Variants in IGF1 observed in about 807,000 individuals in gnomAD.
The protein encoded by IGF1 is insulin-like growth factor 1.
In IGF1, 4 loss-of-function variants were observed where a neutral mutation model predicts 13.8. The ratio of observed to expected loss-of-function variants is 0.29; its 90% CI spans 0.14 to 0.66. IGF1 has a LOEUF of 0.66. IGF1 is among the 30% of genes least tolerant of loss of function. IGF1 has a pLI of 0.78. For missense variants in IGF1, 124 were observed against 188.5 expected, an observed-to-expected ratio of 0.66 and a Z score of 2.00; for synonymous variants, 76 against 72.6, an observed-to-expected ratio of 1.05 and a Z score of -0.23.
intron 2 of IGF1, among the ~76,000 whole-genome samples, chr12:102,470,856 T>A (rs899175458): frequency 5.3e-5 from 8 of 152,354 alleles, no homozygotes; most frequent in African/African-American, 1.9e-4. Flanking sequence ...TAGAAACCTG[T>A]AGATTCTTAT....
chr12:102,410,274 A>G (rs886473918), intron 3 of IGF1, among the ~76,000 whole-genome samples: 2 of 152,126 alleles, frequency 1.3e-5, no homozygotes, highest in Admixed American at 6.5e-5. Context: ...GTCATGAAGG[A>G]TGTTGTAAAA....
rs1390077510 is a variant in IGF1, at chr12:102,400,471, G to A, written c.*2036C>T. The A allele has an allele frequency of 6.6e-6, 1 of 152,118 alleles. No homozygotes were observed. The highest frequency in any genetic ancestry group is 6.6e-5 in the Admixed American group (1 of 15,264). The allele number at this position is 152,118 out of a possible 1,614,324, so 9.4% of individuals were successfully genotyped here. On this transcript the variant is annotated 3_prime_UTR_variant, in exon 4 of 4. Coordinates refer to ENST00000337514, the MANE Select transcript of IGF1 (RefSeq NM_000618.5). ...ACAGAGAGCTAGGGGCTACCCTTCT[G>A]AGCAGGCATGGGAAATTTCTTGTTG...
chr12:102,471,183 T>C (rs1318943669), intron 2 of IGF1, among the ~76,000 whole-genome samples: 1 of 152,182 alleles, frequency 6.6e-6, no homozygotes. Context: ...CAACAGAAAC[T>C]ATGTAAATAA....
intron 3 of IGF1, 48 bp downstream of exon 3, chr12:102,419,461 A>G (rs1405615866): frequency 1.3e-6 from 2 of 1,588,792 alleles, no homozygotes; most frequent in Non-Finnish European, 1.7e-6. Flanking sequence ...CACATGCACA[A>G]GAGAGAGACC....
At chr12:102,416,431 CT>C (rs1205772858) in intron 3 of IGF1, among the ~76,000 whole-genome samples, 1 of 152,234 alleles carries the variant, frequency 6.6e-6, no homozygotes, top group Non-Finnish European at 1.5e-5. Context: ...AAATCCAGCA[CT>C]TTTGCTCTCA....
chr12:102,415,023 T>C (rs1874962576), intron 3 of IGF1, among the ~76,000 whole-genome samples: 1 of 152,256 alleles, frequency 6.6e-6, no homozygotes, highest in South Asian at 2.1e-4. Flanking sequence ...TTGCCACCTG[T>C]AGCAATAGGT....
chr12:102,461,664 G>A (rs772068341), intron 2 of IGF1, among the ~76,000 whole-genome samples: 2 of 152,150 alleles, frequency 1.3e-5, no homozygotes, highest in African/African-American at 4.8e-5. Flanking sequence ...CCTGGCCCCA[G>A]TGATGGGCTT....
intron 2 of IGF1, among the ~76,000 whole-genome samples, chr12:102,440,675 G>A (rs1361715297): frequency 1.3e-5 from 2 of 152,148 alleles, no homozygotes; most frequent in African/African-American, 4.8e-5. Context: ...ATGAGCAAGG[G>A]AGAGCAGAAA....
At position 102,401,554 on chromosome 12, in the gene IGF1, G is replaced by A. The variant is rs781733660; in HGVS notation, c.*953C>T. On this transcript the variant is annotated 3_prime_UTR_variant, in exon 4 of 4. Coordinates refer to ENST00000337514, the MANE Select transcript of IGF1 (RefSeq NM_000618.5). ...GCTTCCCCTATTGTTTTGCTTTCAC[G>A]TATTACCGTTTTGGCCAGACTCTTT... is the stretch of plus-strand genomic sequence containing the variant. 2 of 152,486 alleles carry A rather than the reference G, an allele frequency of 1.3e-5. No individual in the cohort carries two copies. Among genetic ancestry groups the A allele is most frequent in the Admixed American group, 6.6e-5 (1 of 15,258 alleles). The allele number at this position is 152,486 out of a possible 1,614,324, so 9.4% of individuals were successfully genotyped here.
At chr12:102,464,320 C>T (rs1880142274) in intron 2 of IGF1, among the ~76,000 whole-genome samples, 1 of 151,484 alleles carries the variant, frequency 6.6e-6, no homozygotes, top group South Asian at 2.1e-4. Flanking sequence ...CTTTTTTCTC[C>T]TATATCTTCA....
chr12:102,412,155 T>C (rs1378771187), intron 3 of IGF1, among the ~76,000 whole-genome samples: 3 of 152,182 alleles, frequency 2.0e-5, no homozygotes, highest in Admixed American at 2.0e-4. Flanking sequence ...AACCAACTTA[T>C]TTCCACCCCT....
rs1873201815 is a variant in IGF1 at position 102,396,577 on chromosome 12, T to A, written c.*5930A>T. On this transcript the variant is annotated 3_prime_UTR_variant, in exon 4 of 4. Transcript: ENST00000337514. Reference sequence around the variant, plus strand: ...GATTTTAGAGCTCTGTTTTTATTTTTCCTACTTTACATCAGTGCATTTTGG... The same window carrying A: ...GATTTTAGAGCTCTGTTTTTATTTTACCTACTTTACATCAGTGCATTTTGG... The A allele has an allele frequency of 2.5e-5, 7 of 285,642 alleles. No homozygotes were observed. The highest frequency in any genetic ancestry group is 4.5e-5 in the Non-Finnish European group (7 of 156,004). The allele number at this position is 285,642 out of a possible 1,614,324, so 17.7% of individuals were successfully genotyped here. A position where few individuals can be genotyped will look rare whatever the true frequency, so the allele number is the denominator to read the frequency against.
intron 2 of IGF1, among the ~76,000 whole-genome samples, chr12:102,449,789 G>A (rs1327207342): frequency 6.6e-6 from 1 of 151,566 alleles, no homozygotes. Flanking sequence ...CCTATAATTC[G>A]ATGGTTCTTC....
chr12:102,425,506 C>T (rs188683356), intron 2 of IGF1, among the ~76,000 whole-genome samples: 27 of 152,282 alleles, frequency 1.8e-4, no homozygotes, highest in African/African-American at 4.3e-4. Flanking sequence ...CAAAGTCTTC[C>T]GTTACCCAAT....
Position 102,441,906 on chromosome 12 carries a change from G to GCTGCTGCTGCCTCTT in IGF1, c.221-22217_221-22216insAAGAGGCAGCAGCAG. The stretch of plus-strand genomic sequence containing the variant: ...GAGCACTAAGTCATTCTATTACACT[G>GCTGCTGCTGCCTCTT]CTTCTTCTCCTTCTTCTTCTTCTTC... On this transcript the variant is annotated intron_variant, in intron 2 of 3. Coordinates refer to ENST00000337514, the MANE Select transcript of IGF1 (RefSeq NM_000618.5). Among the ~76,000 whole-genome samples, 18 of 100,292 alleles carry GCTGCTGCTGCCTCTT rather than the reference G, an allele frequency of 1.8e-4. 1 individual carries two copies. The highest frequency in any genetic ancestry group is 2.1e-4 in the Non-Finnish European group (10 of 48,416). The allele number at this position is 100,292 out of a possible 152,430, so 65.8% of individuals were successfully genotyped here. A position where few individuals can be genotyped will look rare whatever the true frequency, so the allele number is the denominator to read the frequency against.
intron 2 of IGF1, among the ~76,000 whole-genome samples, chr12:102,447,800 A>G (rs1289457226): frequency 6.6e-6 from 1 of 152,198 alleles, no homozygotes; most frequent in Non-Finnish European, 1.5e-5. Context: ...TTAATGTAAG[A>G]CCTAAAACCA....
chr12:102,466,472 T>C (rs966384850), intron 2 of IGF1, among the ~76,000 whole-genome samples: 6 of 152,172 alleles, frequency 3.9e-5, no homozygotes, highest in African/African-American at 1.4e-4. Context: ...TTACTAGTTA[T>C]CGTATAATGC....
chr12:102,444,297 G>T (rs895280571), intron 2 of IGF1, among the ~76,000 whole-genome samples: 22 of 151,606 alleles, frequency 1.5e-4, no homozygotes, highest in African/African-American at 5.3e-4. Flanking sequence ...TTCTTTTCTA[G>T]GAAATGTACC....
chr12:102,459,376 C>T (rs562824478), intron 2 of IGF1, among the ~76,000 whole-genome samples: 1 of 152,200 alleles, frequency 6.6e-6, no homozygotes, highest in East Asian at 1.9e-4. Context: ...GACGGCTGGC[C>T]TCAAGCAGTC....
Sources: allele counts gnomAD v4.1 joint callset (sites outside exome capture counted in the v4.1 genomes callset), GRCh38; gene constraint gnomAD v4.1.1; transcripts MANE v1.5; gene names NCBI Gene and HGNC (gene_info 2026-07-23, HGNC 2026-07-21).